Variants in EEA1 observed in about 807,000 individuals in gnomAD.
EEA1 encodes the protein early endosome antigen 1, 162kD.
Under a neutral mutation model 209.2 loss-of-function variants are expected in EEA1, and 111 were observed. The ratio of observed to expected loss-of-function variants is 0.53; its 90% confidence interval spans 0.45 to 0.62. The LOEUF is 0.62. Ranked by LOEUF, EEA1 falls within the 20% of genes least tolerant of loss-of-function variation. The pLI is 0.00. For missense variants in EEA1, 1,343 were observed against 1,530.8 expected (o/e 0.88, Z 2.05); for synonymous variants, 536 against 540.6 (o/e 0.99, Z 0.12).
At chr12:92,789,178 T>C (rs921046999) in intron 21 of EEA1, among the ~76,000 whole-genome samples, 7 of 151,324 alleles carry the variant, frequency 4.6e-5, no homozygotes, top group Admixed American at 4.6e-4. Flanking sequence ...TAATCCCAGC[T>C]ACTCAGGAGG....
chr12:92,872,073 G>C (rs951441629), intron 2 of EEA1, among the ~76,000 whole-genome samples: 71 of 148,414 alleles, frequency 4.8e-4, no homozygotes, highest in African/African-American at 1.7e-3. Flanking sequence ...TTTTGAGACG[G>C]AGTCTCACTC....
chr12:92,929,088 C>T lies in EEA1; in HGVS notation c.-22G>A. 3 of 1,586,044 alleles carry T rather than the reference C, an allele frequency of 1.9e-6. No individual in the cohort carries two copies. Among genetic ancestry groups the T allele is most frequent in the Admixed American group, 1.8e-5 (1 of 56,742 alleles). On this transcript the variant is annotated 5_prime_UTR_variant, in exon 1 of 29. Coordinates refer to ENST00000322349, the MANE Select transcript of EEA1 (RefSeq NM_003566.4). Reference sequence around the variant, plus strand: ...ACATGGTTTAACCACCACCCGGCGCCGCCGCGGTGACTCTCCAGACCCTGC... The same window carrying T: ...ACATGGTTTAACCACCACCCGGCGCTGCCGCGGTGACTCTCCAGACCCTGC...
rs1877214413 is a variant in EEA1 at position 92,842,576 on chromosome 12, T to C, written c.804A>G (p.Thr268=). The C allele has an allele frequency of 6.3e-7, 1 of 1,581,414 alleles. No homozygotes were observed. Among genetic ancestry groups the C allele is most frequent in the South Asian group, 1.2e-5 (1 of 86,110 alleles). The change falls in exon 10 of 29, where the codon ACA becomes ACG. Residue 268 remains threonine, a synonymous_variant. Coordinates refer to ENST00000322349, the MANE Select transcript of EEA1 (RefSeq NM_003566.4). The part of the protein sequence containing the change: ...LQSQYASSEA[T]ISQLRSELAK... ...CAAGTTCACTCCTTAGCTGGCTTATTGTGGCCTAACAAAACAAAACAAAAC... is the reference window on the plus strand; with the variant it reads ...CAAGTTCACTCCTTAGCTGGCTTATCGTGGCCTAACAAAACAAAACAAAAC...
chr12:92,901,474 G>GA (rs952700031), intron 1 of EEA1, among the ~76,000 whole-genome samples: 2 of 151,332 alleles, frequency 1.3e-5, no homozygotes, highest in Non-Finnish European at 2.9e-5. Context: ...AGTAAACAGA[G>GA]AAAAAAACAA....
chr12:92,858,275 C>T, intron 3 of EEA1: 1 of 733,882 alleles, frequency 1.4e-6, no homozygotes. Context: ...CTGGAATGAT[C>T]CTTCTTGCAC....
chr12:92,909,119 A>T (rs975424043), intron 1 of EEA1, among the ~76,000 whole-genome samples: 1 of 152,116 alleles, frequency 6.6e-6, no homozygotes, highest in African/African-American at 2.4e-5. Flanking sequence ...CCTGTTTCTT[A>T]ACAATAATTC....
At chr12:92,833,717 T>C (rs1308447049) in intron 10 of EEA1, among the ~76,000 whole-genome samples, 1 of 152,048 alleles carries the variant, frequency 6.6e-6, no homozygotes, top group Non-Finnish European at 1.5e-5. Context: ...GGGATGACAC[T>C]GAAATAGGAA....
intron 13 of EEA1, 135 bp downstream of exon 13, chr12:92,826,031 A>C (rs1202646599): frequency 2.3e-6 from 2 of 882,916 alleles, no homozygotes; most frequent in Non-Finnish European, 3.1e-6. Flanking sequence ...CTCACAATCA[A>C]GTATTTTGTA....
At chr12:92,788,873 CT>C (rs1263520340) in intron 21 of EEA1, among the ~76,000 whole-genome samples, 1 of 152,120 alleles carries the variant, frequency 6.6e-6, no homozygotes, top group Admixed American at 6.6e-5. Flanking sequence ...CTCTTCCTAC[CT>C]TACTGGTGAT....
chr12:92,807,349 T>C (rs544835908), intron 18 of EEA1, among the ~76,000 whole-genome samples: 65 of 152,258 alleles, frequency 4.3e-4, no homozygotes, highest in African/African-American at 1.6e-3. Flanking sequence ...AACTTAATGA[T>C]GAAACATTTA....
chr12:92,906,325 C>T (rs1397423848), intron 1 of EEA1, among the ~76,000 whole-genome samples: 3 of 151,904 alleles, frequency 2.0e-5, no homozygotes, highest in African/African-American at 4.8e-5. Context: ...AATTCTTAGG[C>T]GCAAGCAATC....
intron 2 of EEA1, 95 bp downstream of exon 2, chr12:92,891,534 A>T (rs957824598): frequency 1.0e-6 from 1 of 956,110 alleles, no homozygotes; most frequent in Non-Finnish European, 1.5e-6. Flanking sequence ...AAAACTTGTG[A>T]GAACTTTTCC....
intron 2 of EEA1, among the ~76,000 whole-genome samples, chr12:92,886,688 GAAGGAAGGAAGGAAAA>G (rs1299617769): frequency 1.3e-5 from 2 of 150,034 alleles, no homozygotes; most frequent in Non-Finnish European, 1.5e-5. Context: ...AGGAAGGAAA[GAAGGAAGGAAGGAAAA>G]AAGAAAAAGA....
At chr12:92,841,737 G>A (rs1565830924) in intron 10 of EEA1, among the ~76,000 whole-genome samples, 1 of 152,134 alleles carries the variant, frequency 6.6e-6, no homozygotes, top group Admixed American at 6.5e-5. Context: ...AGTAAGTGTT[G>A]GTGAGGATGT....
Position 92,771,524 on chromosome 12 carries a change from A to G in EEA1, c.*4487T>C, listed in dbSNP as rs944014946. The G allele has an allele frequency of 2.6e-5, 4 of 152,080 alleles. No individual in the cohort carries two copies. Among genetic ancestry groups the G allele is most frequent in the Admixed American group, 2.0e-4 (3 of 15,256 alleles). The allele number at this position is 152,080 out of a possible 1,614,324, so 9.4% of individuals were successfully genotyped here. ...ATCTGGAGGACAGTAACTATTGTTA[A>G]TAGCTAAGAATAAATGAGGTGGAGG... On this transcript the variant is annotated 3_prime_UTR_variant, in exon 29 of 29. Transcript: ENST00000322349.
intron 1 of EEA1, among the ~76,000 whole-genome samples, chr12:92,907,860 T>C (rs1458685232): frequency 1.3e-5 from 2 of 152,140 alleles, no homozygotes; most frequent in Non-Finnish European, 2.9e-5. Context: ...TCCCAGCTAC[T>C]TGGGAGGCTG....
Position 92,861,606 on chromosome 12 carries a change from T to C in EEA1, c.245+3254A>G, listed in dbSNP as rs116307575. Among the ~76,000 whole-genome samples, 1,209 of 152,250 alleles carry C rather than the reference T, an allele frequency of 7.9e-3. 14 individuals carry two copies. The highest frequency in any genetic ancestry group is 0.028 in the African/African-American group (1,148 of 41,548). Reference sequence around the variant, plus strand: ...TGCAAAACATGAGAAATAACCTGAATAGTCATCAACCAAAGAATGAGAAAA... The same window carrying C: ...TGCAAAACATGAGAAATAACCTGAACAGTCATCAACCAAAGAATGAGAAAA... On this transcript the variant is annotated intron_variant, in intron 3 of 28. Coordinates refer to ENST00000322349, the MANE Select transcript of EEA1 (RefSeq NM_003566.4).
intron 2 of EEA1, among the ~76,000 whole-genome samples, chr12:92,888,459 C>T (rs930946770): frequency 1.9e-4 from 29 of 151,914 alleles, no homozygotes; most frequent in Middle Eastern, 3.2e-3. Flanking sequence ...TGCCTGTAGT[C>T]CCAGCTACTC....
intron 2 of EEA1, among the ~76,000 whole-genome samples, chr12:92,875,788 C>A (rs1282740139): frequency 6.6e-6 from 1 of 152,326 alleles, no homozygotes; most frequent in East Asian, 1.9e-4. Flanking sequence ...CAATCTCCCC[C>A]TTGCTCACTA....
Sources: allele counts gnomAD v4.1 joint callset (sites outside exome capture counted in the v4.1 genomes callset), GRCh38; gene constraint gnomAD v4.1.1; transcripts MANE v1.5; gene names NCBI Gene and HGNC (gene_info 2026-07-23, HGNC 2026-07-21).